Variants in ZDHHC15 observed in about 807,000 individuals in gnomAD.
ZDHHC15 encodes the protein zDHHC palmitoyltransferase 15, also known as palmitoyltransferase ZDHHC15.
A neutral mutation model predicts 31.7 loss-of-function variants in ZDHHC15; 19 were observed. The ratio of observed to expected loss-of-function variants is 0.60; its 90% CI spans 0.42 to 0.88. The LOEUF (loss-of-function observed/expected upper bound fraction) is 0.88. Ranked by LOEUF, ZDHHC15 falls within the 40% of genes least tolerant of loss-of-function variation. The probability of loss-of-function intolerance (pLI) is 0.00; values close to 1 mark genes in which losing one functional copy is unlikely to be tolerated. For synonymous variants in ZDHHC15, 103 were observed against 90.0 expected (o/e 1.14, Z -0.82); for missense variants, 209 against 251.2 (o/e 0.83, Z 1.14).
At chrX:75,433,693 GTGTGTATATA>G (rs1331654868) in intron 4 of ZDHHC15, among the ~76,000 whole-genome samples, 18 of 4,160 alleles carry the variant, frequency 4.3e-3, no homozygotes, top group Admixed American at 6.4e-3. Context: ...GTGTGTGTGT[GTGTGTATATA>G]TATATATATA....
rs954929204 is a variant in ZDHHC15, at chrX:75,369,725, A to G, written c.*3253T>C. On this transcript the variant is annotated 3_prime_UTR_variant, in exon 12 of 12. Coordinates refer to ENST00000373367, the MANE Select transcript of ZDHHC15 (RefSeq NM_144969.3). ...CATATTGCATTCTTATCACATAGAA[A>G]GTAAGAGTTGTACAAATTGCATACT... 1 of 111,966 alleles carries G rather than the reference A, an allele frequency of 8.9e-6. No homozygotes were observed. The highest frequency in any genetic ancestry group is 1.9e-5 in the Non-Finnish European group (1 of 53,242). The allele number at this position is 111,966 out of a possible 1,213,427, so 9.2% of individuals were successfully genotyped here.
chrX:75,500,593 A>G (rs1291957579), intron 2 of ZDHHC15, among the ~76,000 whole-genome samples: 1 of 109,421 alleles, frequency 9.1e-6, no homozygotes, highest in Non-Finnish European at 1.9e-5. Context: ...ATAACTGGAA[A>G]TTTTCATTTT....
intron 3 of ZDHHC15, among the ~76,000 whole-genome samples, chrX:75,453,215 C>G (rs1384975843): frequency 9.0e-6 from 1 of 111,414 alleles, no homozygotes. Context: ...GATATCACCA[C>G]CGATCCCACA....
intron 10 of ZDHHC15, among the ~76,000 whole-genome samples, chrX:75,391,007 A>G (rs1209634181): frequency 8.9e-6 from 1 of 112,017 alleles, no homozygotes; most frequent in Non-Finnish European, 1.9e-5. Flanking sequence ...TTACCAGATA[A>G]ATTTTAAAAT....
rs1556003918 is a variant in ZDHHC15, at chrX:75,421,427, A to ATAT, written c.863+434_863+436dup. On this transcript the variant is annotated intron_variant, in intron 9 of 11. Coordinates refer to ENST00000373367, the MANE Select transcript of ZDHHC15 (RefSeq NM_144969.3). The stretch of plus-strand genomic sequence containing the variant: ...TATATATATAATATATATATAATAT[A>ATAT]TATATAATATATATTATATATATAT... Among the ~76,000 whole-genome samples the ATAT allele has an allele frequency of 1.8e-3, 76 of 42,219 alleles. 8 individuals carry two copies. The highest frequency in any genetic ancestry group is 8.8e-3 in the African/African-American group (54 of 6,105). The allele number at this position is 42,219 out of a possible 115,157, so 36.7% of individuals were successfully genotyped here. A position where few individuals can be genotyped will look rare whatever the true frequency, so the allele number is the denominator to read the frequency against.
rs199537523 is a variant in ZDHHC15 at position 75,478,992 on chromosome X, T to TAA, written c.164-9_164-8dup. The TAA allele has an allele frequency of 6.6e-6, 7 of 1,059,198 alleles. No individual in the cohort carries two copies. In the South Asian group the frequency reaches 8.7e-5, roughly 13 times the overall value. The allele number at this position is 1,059,198 out of a possible 1,213,427, so 87.3% of individuals were successfully genotyped here. On this transcript the variant is annotated splice_region_variant and splice_polypyrimidine_tract_variant and intron_variant, in intron 2 of 11. Coordinates refer to ENST00000373367, the MANE Select transcript of ZDHHC15 (RefSeq NM_144969.3). ...TAGAGTATGAGGTAAATAACTGAAATAAAAAAAAAATCAGTGTTTATACTA... is the reference window on the plus strand; with the variant it reads ...TAGAGTATGAGGTAAATAACTGAAATAAAAAAAAAAAATCAGTGTTTATACTA...
intron 4 of ZDHHC15, among the ~76,000 whole-genome samples, chrX:75,447,672 A>T (rs1034165545): frequency 9.0e-6 from 1 of 111,426 alleles, no homozygotes; most frequent in African/African-American, 3.3e-5. Context: ...AAGGGGTGGA[A>T]ATGGGAGTGG....
At chrX:75,380,630 C>T (rs1229546104) in intron 10 of ZDHHC15, among the ~76,000 whole-genome samples, 3 of 110,813 alleles carry the variant, frequency 2.7e-5, no homozygotes, top group Non-Finnish European at 5.7e-5. Flanking sequence ...AGGTAGCTCA[C>T]CGGGTGAGGA....
intron 10 of ZDHHC15, among the ~76,000 whole-genome samples, chrX:75,400,972 T>G (rs1207781200): frequency 9.1e-6 from 1 of 110,212 alleles, no homozygotes; most frequent in East Asian, 2.8e-4. Context: ...GAAGAGATCT[T>G]GAAAGGAGCA....
intron 2 of ZDHHC15, among the ~76,000 whole-genome samples, chrX:75,489,633 G>C (rs757900711): frequency 2.7e-5 from 3 of 111,792 alleles, no homozygotes; most frequent in Non-Finnish European, 3.8e-5. Flanking sequence ...AAACCACAAA[G>C]ATGGGGAAAA....
rs142568955 is a variant in ZDHHC15 at position 75,461,702 on chromosome X, A to G, written c.259-10780T>C. 3.1e-4 allele frequency among the ~76,000 whole-genome samples: 35 copies of G among 112,085 alleles called. No individual in the cohort carries two copies. The East Asian group carries it at 7.8e-3, about 25-fold the overall frequency. On this transcript the variant is annotated intron_variant, in intron 3 of 11. Transcript: ENST00000373367. ...ACTAAGCTTCCTAACTGAAGGAGAA[A>G]TAAGATCCTTTTCAGACAAGAAAAT...
In ZDHHC15 at chrX:75,429,179, A is replaced by T; in HGVS notation, c.502T>A (p.Phe168Ile). 8.3e-7 allele frequency: 1 copy of T among 1,206,129 alleles called. No individual in the cohort carries two copies. The highest frequency in any genetic ancestry group is 1.1e-6 in the Non-Finnish European group (1 of 893,609). Residue 168 changes from phenylalanine to isoleucine, a missense_variant, in exon 7 of 12, where the codon TTT becomes ATT. By Grantham distance (21) the Phe-to-Ile change is conservative. Coordinates refer to ENST00000373367, the MANE Select transcript of ZDHHC15 (RefSeq NM_144969.3). Reference sequence around the variant, plus strand: ...TGAAGGAAGAATTTGTAGTTGGAAAATCCAATGCAGTTATTAACCCTAAAA... The same window carrying T: ...TGAAGGAAGAATTTGTAGTTGGAAATTCCAATGCAGTTATTAACCCTAAAA... ...HCPWVNNCIG[F>I]SNYKFFLQFL...
chrX:75,377,022 T>G (rs1203827217), intron 11 of ZDHHC15, among the ~76,000 whole-genome samples: 2 of 111,527 alleles, frequency 1.8e-5, no homozygotes, highest in Non-Finnish European at 3.8e-5. Context: ...TCTAATTACT[T>G]GGACATATAT....
intron 4 of ZDHHC15, among the ~76,000 whole-genome samples, chrX:75,443,025 A>G (rs1257206767): frequency 1.8e-5 from 2 of 110,132 alleles, no homozygotes; most frequent in Admixed American, 1.9e-4. Context: ...TATTGAGAAA[A>G]TGGCCATACT....
chrX:75,410,566 G>C (rs1026913579), intron 10 of ZDHHC15, among the ~76,000 whole-genome samples: 1 of 111,565 alleles, frequency 9.0e-6, no homozygotes, highest in African/African-American at 3.3e-5. Context: ...TGTAATCCTT[G>C]TTAAAATAAG....
chrX:75,419,891 T>C (rs1256577425), intron 9 of ZDHHC15, among the ~76,000 whole-genome samples: 2 of 88,730 alleles, frequency 2.3e-5, no homozygotes, highest in Non-Finnish European at 4.3e-5. Context: ...TAGGCGGGAA[T>C]TGAACAATGA....
chrX:75,403,465 CTCTA>C (rs773745578), intron 10 of ZDHHC15, among the ~76,000 whole-genome samples: 18 of 111,842 alleles, frequency 1.6e-4, no homozygotes, highest in African/African-American at 5.2e-4. Context: ...TGATATGATT[CTCTA>C]TCTAGAAAAC....
At chrX:75,465,765 C>T (rs1297435760) in intron 3 of ZDHHC15, among the ~76,000 whole-genome samples, 1 of 111,242 alleles carries the variant, frequency 9.0e-6, no homozygotes, top group Non-Finnish European at 1.9e-5. Flanking sequence ...TTGTAACTGG[C>T]CCCCTTCCTT....
chrX:75,489,995 G>A lies in ZDHHC15; in HGVS notation c.164-11010C>T, dbSNP rs7891841. Among the ~76,000 whole-genome samples, 656 of 111,696 alleles carry A rather than the reference G, an allele frequency of 5.9e-3. 5 individuals carry two copies. The highest frequency in any genetic ancestry group is 0.021 in the African/African-American group (631 of 30,740). The stretch of plus-strand genomic sequence containing the variant: ...AACTGGAAGAAAGGGTATCAGTGAT[G>A]GAAGATCAAATGAATGAAATGAAGC... On this transcript the variant is annotated intron_variant, in intron 2 of 11. Transcript: ENST00000373367.
Sources: gnomAD v4.1 joint callset for allele counts (sites outside exome capture counted in the v4.1 genomes callset) on GRCh38, gnomAD v4.1.1 for gene constraint, MANE v1.5 for transcripts, NCBI Gene and HGNC (gene_info 2026-07-23, HGNC 2026-07-21) for gene names.